The following GRIA2 variants were observed in gnomAD, a reference collection of about 807,000 sequenced individuals.
The protein encoded by GRIA2 is glutamate ionotropic receptor AMPA type subunit 2.
In GRIA2, 14 loss-of-function variants were observed where a neutral mutation model predicts 97.3. The observed-to-expected ratio is 0.14, with a 90% CI of 0.10 to 0.23. The LOEUF is 0.23. GRIA2 is among the 10% of genes least tolerant of loss of function. GRIA2 has a pLI of 1.00. For synonymous variants in GRIA2, 412 were observed against 387.8 expected (o/e 1.06, Z -0.73); for missense variants, 558 against 1,069.8 (o/e 0.52, Z 6.67).
chr4:157,240,809 C>T (rs1730473814), intron 2 of GRIA2, among the ~76,000 whole-genome samples: 1 of 151,878 alleles, frequency 6.6e-6, no homozygotes, highest in Non-Finnish European at 1.5e-5. Flanking sequence ...GCCGCACCCA[C>T]TAACTCGTCA....
At chr4:157,261,514 C>G (rs1380675072) in intron 2 of GRIA2, among the ~76,000 whole-genome samples, 1 of 151,936 alleles carries the variant, frequency 6.6e-6, no homozygotes, top group African/African-American at 2.4e-5. Context: ...TTAAAAATAA[C>G]CAGACTCAGA....
intron 6 of GRIA2, among the ~76,000 whole-genome samples, chr4:157,327,809 A>T (rs1326049160): frequency 1.3e-5 from 2 of 152,096 alleles, no homozygotes; most frequent in African/African-American, 4.8e-5. Flanking sequence ...AACTTTCTTA[A>T]TTGCTGTCCT....
intron 3 of GRIA2, among the ~76,000 whole-genome samples, chr4:157,305,469 A>T (rs947211964): frequency 7.9e-5 from 12 of 152,166 alleles, no homozygotes; most frequent in Admixed American, 5.9e-4. Context: ...AAATACTTCA[A>T]TAGCTTCTCA....
chr4:157,298,896 G>A (rs1280744519), intron 2 of GRIA2, among the ~76,000 whole-genome samples: 1 of 151,908 alleles, frequency 6.6e-6, no homozygotes, highest in Admixed American at 6.6e-5. Context: ...CATAAAAATT[G>A]AATTTGACCT....
intron 2 of GRIA2, among the ~76,000 whole-genome samples, chr4:157,232,370 C>T (rs551487639): frequency 9.9e-5 from 15 of 152,220 alleles, no homozygotes; most frequent in African/African-American, 3.1e-4. Flanking sequence ...TTGAGAAGTA[C>T]ATTTCAAATC....
intron 12 of GRIA2, among the ~76,000 whole-genome samples, chr4:157,355,389 G>A (rs914066244): frequency 2.0e-5 from 3 of 151,248 alleles, no homozygotes; most frequent in Non-Finnish European, 4.4e-5. Flanking sequence ...TTAGCCAGGC[G>A]TGGTGGCACG....
At chr4:157,289,653 A>G (rs532893640) in intron 2 of GRIA2, among the ~76,000 whole-genome samples, 2 of 151,970 alleles carry the variant, frequency 1.3e-5, no homozygotes, top group South Asian at 4.1e-4. Context: ...CAAAGATTAA[A>G]TTTACAAATT....
intron 12 of GRIA2, among the ~76,000 whole-genome samples, chr4:157,351,051 T>G (rs1012910261): frequency 8.6e-5 from 13 of 151,948 alleles, no homozygotes; most frequent in African/African-American, 3.1e-4. Flanking sequence ...TCATCCAAAT[T>G]GTTGACTGAA....
At chr4:157,274,315 A>G (rs1208928097) in intron 2 of GRIA2, among the ~76,000 whole-genome samples, 1 of 151,874 alleles carries the variant, frequency 6.6e-6, no homozygotes, top group Non-Finnish European at 1.5e-5. Context: ...AATGAAGATA[A>G]ATAAAATATT....
intron 3 of GRIA2, among the ~76,000 whole-genome samples, chr4:157,308,547 T>C (rs1188112192): frequency 6.6e-6 from 1 of 152,214 alleles, no homozygotes; most frequent in Non-Finnish European, 1.5e-5. Flanking sequence ...TCAACAGTTT[T>C]GTTTTAAGTA....
At chr4:157,300,072 C>T (rs1391678275) in intron 2 of GRIA2, among the ~76,000 whole-genome samples, 1 of 151,278 alleles carries the variant, frequency 6.6e-6, no homozygotes, top group Non-Finnish European at 1.5e-5. Flanking sequence ...GAGTTTATGA[C>T]ACGTTATTTC....
chr4:157,340,959 G>A (rs889011691), intron 11 of GRIA2, among the ~76,000 whole-genome samples: 6 of 151,906 alleles, frequency 3.9e-5, no homozygotes, highest in African/African-American at 1.5e-4. Context: ...ACTTTTATGA[G>A]TATTTGTAAA....
chr4:157,344,898 T>C (rs1409385181), intron 12 of GRIA2, among the ~76,000 whole-genome samples: 1 of 152,094 alleles, frequency 6.6e-6, no homozygotes, highest in Non-Finnish European at 1.5e-5. Context: ...AATTCTAAAA[T>C]AGAATTCAGA....
chr4:157,356,093 TTATA>T (rs1482828438), intron 12 of GRIA2, among the ~76,000 whole-genome samples: 2 of 125,060 alleles, frequency 1.6e-5, no homozygotes, highest in African/African-American at 6.2e-5. Context: ...TTATATATAT[TTATA>T]TATTTATATT....
At chr4:157,239,975 T>C (rs537433337) in intron 2 of GRIA2, among the ~76,000 whole-genome samples, 1 of 152,220 alleles carries the variant, frequency 6.6e-6, no homozygotes, top group East Asian at 1.9e-4. Context: ...GCAAACTAGA[T>C]TGGCTTCTCT....
chr4:157,330,209 C>T (rs1734989061), intron 6 of GRIA2, among the ~76,000 whole-genome samples: 1 of 151,788 alleles, frequency 6.6e-6, no homozygotes, highest in Non-Finnish European at 1.5e-5. Context: ...GTTCACTTGC[C>T]CAAGGCAACA....
intron 11 of GRIA2, 118 bp downstream of exon 11, chr4:157,336,865 A>G: frequency 1.2e-6 from 1 of 839,480 alleles, no homozygotes; most frequent in Non-Finnish European, 1.9e-6. Flanking sequence ...AAGCAGTTTA[A>G]GACTCTTGAA....
At chr4:157,326,250 T>G (rs1341258060) in intron 6 of GRIA2, among the ~76,000 whole-genome samples, 1 of 152,190 alleles carries the variant, frequency 6.6e-6, no homozygotes, top group East Asian at 1.9e-4. Flanking sequence ...TGGAAGGCAA[T>G]AGTAGGCTAT....
chr4:157,350,935 T>C (rs1735984218), intron 12 of GRIA2, among the ~76,000 whole-genome samples: 2 of 149,902 alleles, frequency 1.3e-5, no homozygotes, highest in African/African-American at 2.4e-5. Flanking sequence ...TTTTTTCTTT[T>C]TTTTTTTTTT....
Sources: gnomAD v4.1 joint callset for allele counts (sites outside exome capture counted in the v4.1 genomes callset) on GRCh38, gnomAD v4.1.1 for gene constraint, MANE v1.5 for transcripts, NCBI Gene and HGNC (gene_info 2026-07-23, HGNC 2026-07-21) for gene names.